Variants in ATP9A observed in about 807,000 individuals in gnomAD.
ATP9A encodes the protein probable phospholipid-transporting ATPase IIA.
Under a neutral mutation model 144.1 loss-of-function variants are expected in ATP9A, and 52 were observed. The ratio of observed to expected loss-of-function variants is 0.36; its 90% CI spans 0.29 to 0.45. The LOEUF (loss-of-function observed/expected upper bound fraction) is 0.45. ATP9A is among the 20% of genes least tolerant of loss of function. ATP9A has a pLI of 1.00. For missense variants in ATP9A, 947 were observed against 1,392.7 expected, an observed-to-expected ratio of 0.68 and a Z score of 5.09; for synonymous variants, 582 against 557.4, an observed-to-expected ratio of 1.04 and a Z score of -0.62.
At chr20:51,750,143 A>C (rs932714124) in intron 1 of ATP9A, among the ~76,000 whole-genome samples, 2 of 152,094 alleles carry the variant, frequency 1.3e-5, no homozygotes, top group African/African-American at 4.8e-5. Context: ...GTGACAAAGC[A>C]AGACTCCGTC....
At chr20:51,602,251 T>C (rs1433121016) in intron 27 of ATP9A, among the ~76,000 whole-genome samples, 1 of 152,164 alleles carries the variant, frequency 6.6e-6, no homozygotes, top group East Asian at 1.9e-4. Flanking sequence ...TGACAGTTTG[T>C]GGCTTTCAAT....
chr20:51,650,859 GCA>G (rs2122761871), intron 14 of ATP9A, among the ~76,000 whole-genome samples: 1 of 151,562 alleles, frequency 6.6e-6, no homozygotes, highest in Non-Finnish European at 1.5e-5. Flanking sequence ...GCATCCATGT[GCA>G]CACACATACT....
intron 9 of ATP9A, among the ~76,000 whole-genome samples, chr20:51,677,377 T>A (rs1601098461): frequency 6.6e-6 from 1 of 152,028 alleles, no homozygotes; most frequent in African/African-American, 2.4e-5. Context: ...GCGCCCACCC[T>A]CCCTAGCCCT....
chr20:51,655,074 T>C (rs2077381655), intron 14 of ATP9A, among the ~76,000 whole-genome samples: 2 of 152,230 alleles, frequency 1.3e-5, no homozygotes, highest in African/African-American at 4.8e-5. Flanking sequence ...ATAAATATCA[T>C]TGCTAAAAAT....
chr20:51,762,707 T>A (rs1478406484), intron 1 of ATP9A, among the ~76,000 whole-genome samples: 1 of 82,106 alleles, frequency 1.2e-5, no homozygotes, highest in Non-Finnish European at 2.9e-5. Context: ...ACAAATGGCT[T>A]TTTTTTTTTT....
At chr20:51,621,954 C>A in intron 19 of ATP9A, 120 bp downstream of exon 19, 1 of 852,636 alleles carries the variant, frequency 1.2e-6, no homozygotes, top group South Asian at 1.6e-5. Context: ...GGTTGATGCT[C>A]CCCACCCTAG....
intron 1 of ATP9A, among the ~76,000 whole-genome samples, chr20:51,735,539 T>C (rs1479472551): frequency 6.6e-6 from 1 of 152,250 alleles, no homozygotes; most frequent in Non-Finnish European, 1.5e-5. Context: ...CGGTACAAAG[T>C]ACTATTCTAG....
At chr20:51,610,833 TG>T (rs1244049163) in intron 23 of ATP9A, among the ~76,000 whole-genome samples, 1 of 152,178 alleles carries the variant, frequency 6.6e-6, no homozygotes, top group Non-Finnish European at 1.5e-5. Flanking sequence ...TTTCGGTATT[TG>T]GGGAAATTTT....
chr20:51,671,405 C>G, intron 11 of ATP9A, 148 bp from the exon 12 acceptor site: 1 of 790,048 alleles, frequency 1.3e-6, no homozygotes, highest in Non-Finnish European at 2.0e-6. Flanking sequence ...CGCACAGACT[C>G]AGCAAGAGCC....
At chr20:51,655,776 C>T (rs1405420884) in intron 14 of ATP9A, among the ~76,000 whole-genome samples, 1 of 151,952 alleles carries the variant, frequency 6.6e-6, no homozygotes, top group Non-Finnish European at 1.5e-5. Context: ...CCAACCCACT[C>T]CTAGGTATAT....
chr20:51,750,526 C>T (rs889323171), intron 1 of ATP9A, among the ~76,000 whole-genome samples: 1 of 152,212 alleles, frequency 6.6e-6, no homozygotes. Flanking sequence ...AGGCAATTTC[C>T]TAGACACCAA....
chr20:51,628,979 C>A lies in ATP9A; in HGVS notation c.1761+1G>T. On this transcript the variant is annotated splice_donor_variant, in intron 16 of 27. Coordinates refer to ENST00000338821, the MANE Select transcript of ATP9A (RefSeq NM_006045.3). LOFTEE classifies it high-confidence loss of function. ...GGTTTAACTTCCTGCATCACACTTA[C>A]CTCTTCCTCCAACCAGTCATTGTAC... 1 of 1,612,820 alleles carries A rather than the reference C, an allele frequency of 6.2e-7. No individual in the cohort carries two copies. Among genetic ancestry groups the A allele is most frequent in the Non-Finnish European group, 8.5e-7 (1 of 1,178,840 alleles).
At chr20:51,606,358 A>G (rs1249881466) in intron 26 of ATP9A, among the ~76,000 whole-genome samples, 1 of 152,198 alleles carries the variant, frequency 6.6e-6, no homozygotes, top group Non-Finnish European at 1.5e-5. Context: ...TTTCACATGT[A>G]TATTATATGT....
intron 1 of ATP9A, among the ~76,000 whole-genome samples, chr20:51,763,256 G>A (rs533136796): frequency 2.6e-5 from 4 of 151,976 alleles, no homozygotes; most frequent in African/African-American, 4.8e-5. Flanking sequence ...AACCCATGCC[G>A]GAGTGATGGT....
intron 14 of ATP9A, among the ~76,000 whole-genome samples, chr20:51,645,413 G>A (rs758660526): frequency 1.3e-5 from 2 of 152,120 alleles, no homozygotes; most frequent in African/African-American, 4.8e-5. Flanking sequence ...CCAGCTACTC[G>A]GGAGGCTGAG....
intron 1 of ATP9A, among the ~76,000 whole-genome samples, chr20:51,751,020 C>T (rs2077829162): frequency 6.6e-6 from 1 of 152,160 alleles, no homozygotes; most frequent in African/African-American, 2.4e-5. Context: ...CTGGACGTGG[C>T]TCCTTCCTTG....
At chr20:51,698,531 C>A (rs1418254449) in intron 4 of ATP9A, among the ~76,000 whole-genome samples, 6 of 152,116 alleles carry the variant, frequency 3.9e-5, no homozygotes, top group African/African-American at 1.2e-4. Context: ...AGCCAGACAG[C>A]ATTTACTGAA....
intron 27 of ATP9A, among the ~76,000 whole-genome samples, chr20:51,603,441 G>A (rs1472052781): frequency 6.6e-6 from 1 of 152,146 alleles, no homozygotes; most frequent in Non-Finnish European, 1.5e-5. Flanking sequence ...CGTGTTGCAA[G>A]TTCTAGTTGA....
intron 13 of ATP9A, among the ~76,000 whole-genome samples, chr20:51,660,589 AATGTTCCAGG>A (rs1377105802): frequency 2.6e-5 from 4 of 152,206 alleles, no homozygotes; most frequent in African/African-American, 9.6e-5. Flanking sequence ...TTCCTACTAA[AATGTTCCAGG>A]AAGGAGAGGA....
Sources: allele counts gnomAD v4.1 joint callset (sites outside exome capture counted in the v4.1 genomes callset), GRCh38; gene constraint gnomAD v4.1.1; transcripts MANE v1.5; gene names NCBI Gene and HGNC (gene_info 2026-07-23, HGNC 2026-07-21).